IL1R2: variants seen among roughly 807,000 people sequenced by gnomAD.
IL1R2 encodes the protein interleukin 1 receptor type 2, also known as interleukin-1 receptor type 2.
In IL1R2, 46 loss-of-function variants were observed where a neutral mutation model predicts 39.5. The ratio of observed to expected loss-of-function variants is 1.16; its 90% CI spans 0.92 to 1.49. IL1R2 has a LOEUF of 1.49. Among genes scored for constraint, IL1R2 ranks in the 40% most tolerant of loss-of-function variants. The pLI is 0.00. For missense variants in IL1R2, 537 were observed against 502.0 expected, an observed-to-expected ratio of 1.07 and a Z score of -0.67; for synonymous variants, 207 against 189.6, an observed-to-expected ratio of 1.09 and a Z score of -0.75.
intron 4 of IL1R2, among the ~76,000 whole-genome samples, chr2:102,017,889 T>C (rs1400812763): frequency 6.6e-6 from 1 of 152,230 alleles, no homozygotes; most frequent in Non-Finnish European, 1.5e-5. Flanking sequence ...AGACCCTAGA[T>C]TGATACTGAA....
chr2:101,992,165 G>A (rs1675360067), intron 1 of IL1R2, 154 bp downstream of exon 1: 1 of 152,072 alleles, frequency 6.6e-6, no homozygotes, highest in African/African-American at 2.4e-5. Context: ...CAGGGGGGAA[G>A]GCAGAGAGAA....
At chr2:102,022,551 G>A (rs941797848) in intron 6 of IL1R2, among the ~76,000 whole-genome samples, 1 of 152,220 alleles carries the variant, frequency 6.6e-6, no homozygotes, top group Non-Finnish European at 1.5e-5. Flanking sequence ...GTTATCAACT[G>A]CATGAGAAGA....
intron 4 of IL1R2, among the ~76,000 whole-genome samples, chr2:102,017,487 A>G (rs1447966634): frequency 6.6e-6 from 1 of 151,844 alleles, no homozygotes; most frequent in East Asian, 1.9e-4. Context: ...GGTTGAATAG[A>G]TGTTATTTGA....
rs941828992 is a variant in IL1R2, at chr2:102,022,309, C to T, written c.751+60C>T. On this transcript the variant is annotated intron_variant, in intron 6 of 8. Coordinates refer to ENST00000332549, the MANE Select transcript of IL1R2 (RefSeq NM_004633.4). ...TGTGGGGGTGCCTGGTATCCCAATG[C>T]AGGGGGCTTGGGACCCTTGCGTCTG... 104 of 1,442,218 alleles carry T rather than the reference C, an allele frequency of 7.2e-5. 1 individual carries two copies. The highest frequency in any genetic ancestry group is 5.9e-6 in the Non-Finnish European group (6 of 1,023,954). The allele number at this position is 1,442,218 out of a possible 1,614,324, so 89.3% of individuals were successfully genotyped here.
intron 4 of IL1R2, among the ~76,000 whole-genome samples, chr2:102,019,278 ATAGT>A (rs1677205980): frequency 6.6e-6 from 1 of 152,228 alleles, no homozygotes; most frequent in Admixed American, 6.5e-5. Flanking sequence ...ATGACGATTT[ATAGT>A]GCTCTTCCCA....
At chr2:102,006,482 G>T (rs1676267263) in intron 1 of IL1R2, among the ~76,000 whole-genome samples, 1 of 152,180 alleles carries the variant, frequency 6.6e-6, no homozygotes. Flanking sequence ...CCACTCACGA[G>T]GGAGGGTTTC....
chr2:101,996,524 C>A lies in IL1R2; in HGVS notation c.-62+4513C>A, dbSNP rs1675600200. On this transcript the variant is annotated intron_variant, in intron 1 of 8. Transcript: ENST00000332549. The stretch of plus-strand genomic sequence containing the variant: ...TTTTTTTGGGGGGGAGAATGGCTGA[C>A]TTCTTGTTACTTGGACACCCTGGAC... Among the ~76,000 whole-genome samples, 4 of 106,614 alleles carry A rather than the reference C, an allele frequency of 3.8e-5. No individual in the cohort carries two copies. The Admixed American group carries it at 3.9e-4, about 10-fold the overall frequency. 69.9% of individuals were successfully genotyped at this position (106,614 alleles called of 152,430 possible).
rs746138452 is a variant in IL1R2 at position 102,009,724 on chromosome 2, C to T, written c.230C>T (p.Thr77Met). 19 of 1,614,062 alleles carry T rather than the reference C, an allele frequency of 1.2e-5. No individual in the cohort carries two copies. The highest frequency in any genetic ancestry group is 8.3e-5 in the Admixed American group (5 of 60,004). ...TGGCATAAAAATGACTCTGCTAGGA[C>T]GGTCCCAGGAGAAGAAGAGACACGG... ...LTWHKNDSAR[T>M]VPGEEETRMW... Residue 77 changes from threonine to methionine, a missense_variant, in exon 3 of 9, where the codon ACG (threonine) becomes ATG (methionine). Transcript: ENST00000332549.
chr2:101,997,032 T>C (rs1158581589), intron 1 of IL1R2, among the ~76,000 whole-genome samples: 5 of 152,174 alleles, frequency 3.3e-5, no homozygotes, highest in Non-Finnish European at 5.9e-5. Flanking sequence ...CAGCACCTTC[T>C]TCTAGCCAGG....
At chr2:102,027,540 G>T (rs1251099982) in intron 8 of IL1R2, among the ~76,000 whole-genome samples, 3 of 152,178 alleles carry the variant, frequency 2.0e-5, no homozygotes, top group Non-Finnish European at 2.9e-5. Context: ...TCTAATCTTT[G>T]TGGGGTTTTA....
intron 1 of IL1R2, among the ~76,000 whole-genome samples, chr2:101,998,176 T>C (rs1675682469): frequency 6.6e-6 from 1 of 152,240 alleles, no homozygotes; most frequent in South Asian, 2.1e-4. Context: ...CTGTTCTTTG[T>C]GATTCAAGGA....
chr2:102,014,966 AATAATAATAATC>A (rs1412654450), intron 3 of IL1R2, among the ~76,000 whole-genome samples: 1 of 144,056 alleles, frequency 6.9e-6, no homozygotes, highest in African/African-American at 2.6e-5. Flanking sequence ...TAATAATAAT[AATAATAATAATC>A]ATATAATAAT....
At chr2:102,021,305 C>CTTTTT (rs546019141) in intron 5 of IL1R2, among the ~76,000 whole-genome samples, 4 of 122,834 alleles carry the variant, frequency 3.3e-5, no homozygotes, top group Admixed American at 2.5e-4. Flanking sequence ...CTTTTCTTTT[C>CTTTTT]TTTTTTTTTT....
Position 102,008,558 on chromosome 2 carries a change from TG to T in IL1R2, c.-16del. ...TCAGTCCTCCACTTCCCGTGTCCTC[TG>T]GAAGTTGTCAGGAGCAATGTTGCGC... is the stretch of plus-strand genomic sequence containing the variant. On this transcript the variant is annotated 5_prime_UTR_variant, in exon 2 of 9. Coordinates refer to ENST00000332549, the MANE Select transcript of IL1R2 (RefSeq NM_004633.4). 1 of 1,610,096 alleles carries T rather than the reference TG, an allele frequency of 6.2e-7. No homozygotes were observed. Among genetic ancestry groups the T allele is most frequent in the Non-Finnish European group, 8.5e-7 (1 of 1,176,396 alleles).
chr2:102,009,089 C>T (rs187468791), intron 2 of IL1R2, among the ~76,000 whole-genome samples: 7 of 151,616 alleles, frequency 4.6e-5, no homozygotes, highest in South Asian at 2.1e-4. Flanking sequence ...AAGAATGGTG[C>T]GAATGTGCTT....
rs147149204 is a variant in IL1R2, at chr2:102,005,513, C to T, written c.-61-3002C>T. 6.2e-3 allele frequency among the ~76,000 whole-genome samples: 949 copies of T among 152,290 alleles called. 10 individuals carry two copies. The highest frequency in any genetic ancestry group is 0.022 in the African/African-American group (903 of 41,546). ...TAGTCCAGGGTGGTGGGCGGCTTCACGAAGCCACCAAGGACTCAGGTTCCC... is the reference window on the plus strand; with the variant it reads ...TAGTCCAGGGTGGTGGGCGGCTTCATGAAGCCACCAAGGACTCAGGTTCCC... On this transcript the variant is annotated intron_variant, in intron 1 of 8. Transcript: ENST00000332549.
In IL1R2 at chr2:102,024,639, G is replaced by A. The variant is rs765187964; in HGVS notation, c.858G>A (p.Pro286=). 3.1e-6 allele frequency: 5 copies of A among 1,613,968 alleles called. No homozygotes were observed. The South Asian group carries it at 3.3e-5, about 11-fold the overall frequency. ...ANDTHIESAY[P]GGRVTEGPRQ... Reference sequence around the variant, plus strand: ...ACACCCACATAGAGAGCGCCTACCCGGGAGGCCGCGTGACCGAGGGGCCAC... The same window carrying A: ...ACACCCACATAGAGAGCGCCTACCCAGGAGGCCGCGTGACCGAGGGGCCAC... The change falls in exon 7 of 9, where the codon CCG becomes CCA. Residue 286 remains proline, a synonymous_variant. Coordinates refer to ENST00000332549, the MANE Select transcript of IL1R2 (RefSeq NM_004633.4).
chr2:102,006,479 C>T (rs1034133273), intron 1 of IL1R2, among the ~76,000 whole-genome samples: 9 of 152,140 alleles, frequency 5.9e-5, no homozygotes, highest in African/African-American at 2.2e-4. Flanking sequence ...TCCCCACTCA[C>T]GAGGGAGGGT....
At position 102,024,648 on chromosome 2, in the gene IL1R2, C is replaced by G. The variant is rs756986471; in HGVS notation, c.867C>G (p.Arg289=). 4 of 1,614,064 alleles carry G rather than the reference C, an allele frequency of 2.5e-6. No individual in the cohort carries two copies. Among genetic ancestry groups the G allele is most frequent in the Non-Finnish European group, 3.4e-6 (4 of 1,179,954 alleles). The change falls in exon 7 of 9, where the codon CGC becomes CGG. Residue 289 remains arginine (R), a synonymous_variant. Transcript: ENST00000332549. ...TAGAGAGCGCCTACCCGGGAGGCCG[C>G]GTGACCGAGGGGCCACGCCAGTAAG... is the stretch of plus-strand genomic sequence containing the variant. ...THIESAYPGG[R]VTEGPRQEYS...
Sources: gnomAD v4.1 joint callset for allele counts (sites outside exome capture counted in the v4.1 genomes callset) on GRCh38, gnomAD v4.1.1 for gene constraint, MANE v1.5 for transcripts, NCBI Gene and HGNC (gene_info 2026-07-23, HGNC 2026-07-21) for gene names.